The following OPCML variants were observed in gnomAD, a reference collection of about 807,000 sequenced individuals.
OPCML encodes opioid binding protein/cell adhesion molecule like.
OPCML carries 13 observed loss-of-function variants against 37.8 expected under a neutral mutation model. The ratio of observed to expected loss-of-function variants is 0.34; its 90% CI spans 0.22 to 0.55. OPCML has a LOEUF of 0.55. Ranked by LOEUF, OPCML falls within the 20% of genes least tolerant of loss-of-function variation. The pLI is 0.91. For synonymous variants in OPCML, 176 were observed against 168.8 expected (o/e 1.04, Z -0.33); for missense variants, 341 against 435.6 (o/e 0.78, Z 1.93).
intron 1 of OPCML, among the ~76,000 whole-genome samples, chr11:133,203,713 G>A (rs922480853): frequency 1.3e-5 from 2 of 152,154 alleles, no homozygotes; most frequent in South Asian, 4.1e-4. Context: ...GTCAGATTAT[G>A]CTAAGACTTT....
intron 1 of OPCML, among the ~76,000 whole-genome samples, chr11:133,079,367 G>A (rs1352341553): frequency 2.6e-5 from 4 of 152,032 alleles, no homozygotes; most frequent in Non-Finnish European, 5.9e-5. Context: ...TGTCACAGGG[G>A]GACCCACATT....
chr11:132,632,474 T>C (rs1261641286), intron 3 of OPCML, among the ~76,000 whole-genome samples: 1 of 152,078 alleles, frequency 6.6e-6, no homozygotes, highest in East Asian at 1.9e-4. Context: ...AACTGATTTT[T>C]GTAAGGTCAG....
intron 1 of OPCML, among the ~76,000 whole-genome samples, chr11:133,234,363 T>C (rs1379245004): frequency 6.6e-6 from 1 of 152,246 alleles, no homozygotes; most frequent in African/African-American, 2.4e-5. Context: ...TAGAGGCTTC[T>C]TCTCTCTCTA....
intron 1 of OPCML, among the ~76,000 whole-genome samples, chr11:133,207,918 C>T (rs1939167764): frequency 1.3e-5 from 2 of 151,888 alleles, no homozygotes; most frequent in Middle Eastern, 3.4e-3. Flanking sequence ...TGTTTTACTT[C>T]GCCGCAGGGT....
In OPCML at chr11:133,081,798, C is replaced by T. The variant is rs139216510; in HGVS notation, c.62-138788G>A. On this transcript the variant is annotated intron_variant, in intron 1 of 7. Transcript: ENST00000524381. Reference sequence around the variant, plus strand: ...GAGGCCACAGTAAACATCCAGCCCCCGCCGTTCGAATGGCAGGTGAAGCGC... The same window carrying T: ...GAGGCCACAGTAAACATCCAGCCCCTGCCGTTCGAATGGCAGGTGAAGCGC... 8.1e-4 allele frequency among the ~76,000 whole-genome samples: 123 copies of T among 152,274 alleles called. 2 individuals are homozygous for T. In the East Asian group the frequency reaches 0.022, roughly 27 times the overall value.
chr11:133,270,587 T>G (rs1013687783), intron 1 of OPCML, among the ~76,000 whole-genome samples: 2 of 152,194 alleles, frequency 1.3e-5, no homozygotes, highest in Non-Finnish European at 2.9e-5. Flanking sequence ...TGCATTCCCA[T>G]AGCAATTTCT....
Position 133,005,564 on chromosome 11 carries a change from A to G in OPCML, c.62-62554T>C, listed in dbSNP as rs568143274. 9 of 985,058 alleles carry G rather than the reference A, an allele frequency of 9.1e-6. No homozygotes were observed. The South Asian group carries it at 4.2e-4, about 46-fold the overall frequency. 61.0% of individuals were successfully genotyped at this position (985,058 alleles called of 1,614,324 possible). A position where few individuals can be genotyped will look rare whatever the true frequency, so the allele number is the denominator to read the frequency against. On this transcript the variant is annotated intron_variant, in intron 1 of 7. Coordinates refer to ENST00000524381, the MANE Select transcript of OPCML (RefSeq NM_001012393.5). ...TAGCTAAGACATATTTTTGAAAAAT[A>G]TTTTAATATATCCCTTTCCTTAGGG...
chr11:132,928,234 G>T (rs929491759), intron 2 of OPCML, among the ~76,000 whole-genome samples: 1 of 151,902 alleles, frequency 6.6e-6, no homozygotes, highest in Non-Finnish European at 1.5e-5. Flanking sequence ...GTGTCCAAGA[G>T]ACCCAGTTTA....
chr11:132,758,139 T>C (rs2136088684), intron 2 of OPCML, among the ~76,000 whole-genome samples: 1 of 152,190 alleles, frequency 6.6e-6, no homozygotes, highest in African/African-American at 2.4e-5. Context: ...GAGGGCTCTG[T>C]TCTGTTCTGT....
At chr11:133,296,661 C>T (rs149851526) in intron 1 of OPCML, among the ~76,000 whole-genome samples, 93 of 152,246 alleles carry the variant, frequency 6.1e-4, no homozygotes, top group African/African-American at 2.0e-3. Context: ...CTCTGTAATT[C>T]GGGAACAAGG....
Position 133,236,320 on chromosome 11 carries a change from G to A in OPCML, c.62-293310C>T, listed in dbSNP as rs190761776. The stretch of plus-strand genomic sequence containing the variant: ...GGGGTTAGATGGCACAGGACGGCAC[G>A]AGGTCTCATCATGCTACGTAGAATC... On this transcript the variant is annotated intron_variant, in intron 1 of 7. Coordinates refer to ENST00000524381, the MANE Select transcript of OPCML (RefSeq NM_001012393.5). 1.2e-4 allele frequency among the ~76,000 whole-genome samples: 18 copies of A among 152,260 alleles called. No individual in the cohort carries two copies. The East Asian group carries it at 2.7e-3, about 23-fold the overall frequency.
At chr11:132,777,501 A>C (rs899371151) in intron 2 of OPCML, among the ~76,000 whole-genome samples, 3 of 152,326 alleles carry the variant, frequency 2.0e-5, no homozygotes, top group Admixed American at 6.5e-5. Flanking sequence ...CCAGCCACCC[A>C]GTGGAGTTAC....
intron 1 of OPCML, chr11:133,025,998 G>T (rs1676536401): frequency 1.1e-6 from 1 of 936,066 alleles, no homozygotes; most frequent in Non-Finnish European, 1.3e-6. Context: ...GCCACCAAAG[G>T]TGCTGGGATT....
chr11:133,014,873 C>A (rs547521670), intron 1 of OPCML, among the ~76,000 whole-genome samples: 1 of 152,152 alleles, frequency 6.6e-6, no homozygotes, highest in African/African-American at 2.4e-5. Flanking sequence ...GTATTGGTGC[C>A]GTATTTTCTA....
intron 1 of OPCML, among the ~76,000 whole-genome samples, chr11:133,519,715 G>A (rs1948360505): frequency 6.6e-6 from 1 of 152,168 alleles, no homozygotes; most frequent in South Asian, 2.1e-4. Context: ...CACACATGCT[G>A]CAATGGTGCT....
chr11:132,709,361 A>G (rs889209353), intron 2 of OPCML, among the ~76,000 whole-genome samples: 6 of 152,222 alleles, frequency 3.9e-5, no homozygotes, highest in African/African-American at 1.4e-4. Flanking sequence ...AACATCTTTA[A>G]AAACCATGGT....
chr11:133,343,994 GA>G (rs1943937846), intron 1 of OPCML, among the ~76,000 whole-genome samples: 1 of 152,222 alleles, frequency 6.6e-6, no homozygotes, highest in Non-Finnish European at 1.5e-5. Flanking sequence ...AGCCTGTGAT[GA>G]AATCCCTAAT....
chr11:133,458,336 A>G (rs1389567944), intron 1 of OPCML, among the ~76,000 whole-genome samples: 4 of 11,726 alleles, frequency 3.4e-4, no homozygotes. Flanking sequence ...GTATATATAT[A>G]CACATATATA....
At chr11:133,207,791 C>T (rs1360228348) in intron 1 of OPCML, among the ~76,000 whole-genome samples, 2 of 152,144 alleles carry the variant, frequency 1.3e-5, no homozygotes, top group East Asian at 1.9e-4. Flanking sequence ...AGATACATTG[C>T]CGTCACTATG....
Sources: gnomAD v4.1 joint callset for allele counts (sites outside exome capture counted in the v4.1 genomes callset) on GRCh38, gnomAD v4.1.1 for gene constraint, MANE v1.5 for transcripts, NCBI Gene and HGNC (gene_info 2026-07-23, HGNC 2026-07-21) for gene names.